The following CALCR variants were observed in gnomAD, a reference collection of about 807,000 sequenced individuals.
CALCR encodes calcitonin receptor.
In CALCR, 47 loss-of-function variants were observed where a neutral mutation model predicts 59.5. That is an observed-to-expected ratio of 0.79 (90% CI 0.63 to 1.01). The LOEUF (loss-of-function observed/expected upper bound fraction) is 1.01, where lower values mean the gene tolerates loss of function less well. CALCR is among the 50% of genes least tolerant of loss of function. The pLI is 0.00. For missense variants in CALCR, 566 were observed against 597.1 expected (o/e 0.95, Z 0.54); for synonymous variants, 213 against 211.3 (o/e 1.01, Z -0.07).
chr7:93,429,926 G>T (rs13224477), intron 13 of CALCR, among the ~76,000 whole-genome samples: 13,156 of 99,694 alleles, frequency 0.13, 1,039 homozygotes, highest in African/African-American at 0.24. Flanking sequence ...TTTTTTTTTT[G>T]TTTGTTTGTT....
chr7:93,533,720 C>A (rs765508681), intron 2 of CALCR, among the ~76,000 whole-genome samples: 35 of 151,810 alleles, frequency 2.3e-4, no homozygotes, highest in Non-Finnish European at 3.5e-4. Context: ...GGGTTCTTAG[C>A]TCATGAAAGT....
chr7:93,544,671 G>A (rs1789238284), intron 2 of CALCR, among the ~76,000 whole-genome samples: 1 of 151,892 alleles, frequency 6.6e-6, no homozygotes, highest in African/African-American at 2.4e-5. Context: ...TCATCTACAT[G>A]TTTTTCTAAT....
At chr7:93,486,680 T>A (rs1800950810) in intron 3 of CALCR, among the ~76,000 whole-genome samples, 1 of 151,554 alleles carries the variant, frequency 6.6e-6, no homozygotes, top group South Asian at 2.1e-4. Context: ...ATGTCTAAAA[T>A]TAATGCTAAA....
intron 8 of CALCR, among the ~76,000 whole-genome samples, chr7:93,444,393 A>G (rs1799971510): frequency 6.6e-6 from 1 of 152,114 alleles, no homozygotes; most frequent in African/African-American, 2.4e-5. Context: ...TGGAAGAGTC[A>G]GATTAATATT....
chr7:93,561,398 G>A (rs1004453349), intron 2 of CALCR, among the ~76,000 whole-genome samples: 16 of 151,906 alleles, frequency 1.1e-4, no homozygotes, highest in Admixed American at 1.1e-3. Flanking sequence ...AAGTTGCTTT[G>A]GGTACCACCC....
At chr7:93,529,799 C>T (rs1788783406) in intron 2 of CALCR, among the ~76,000 whole-genome samples, 1 of 152,070 alleles carries the variant, frequency 6.6e-6, no homozygotes, top group Non-Finnish European at 1.5e-5. Flanking sequence ...TCAGTGATTA[C>T]CACTCTAAAA....
chr7:93,483,048 G>C (rs995073128), intron 3 of CALCR, among the ~76,000 whole-genome samples: 2 of 151,712 alleles, frequency 1.3e-5, no homozygotes, highest in African/African-American at 4.8e-5. Context: ...TCAGGGGATT[G>C]GTTGCAGGAC....
chr7:93,560,510 G>A (rs1274732992), intron 2 of CALCR, among the ~76,000 whole-genome samples: 1 of 151,954 alleles, frequency 6.6e-6, no homozygotes. Context: ...CCTCCTTTAT[G>A]CACTGTAGGA....
At chr7:93,557,809 A>G (rs1789646888) in intron 2 of CALCR, among the ~76,000 whole-genome samples, 1 of 151,992 alleles carries the variant, frequency 6.6e-6, no homozygotes, top group Admixed American at 6.6e-5. Flanking sequence ...ATGTTATCAT[A>G]TACTAAATTC....
chr7:93,504,986 C>T (rs1801396786), intron 2 of CALCR, among the ~76,000 whole-genome samples: 4 of 152,178 alleles, frequency 2.6e-5, no homozygotes, highest in African/African-American at 9.6e-5. Flanking sequence ...AGCAGTGGGG[C>T]CCCTATGGAA....
chr7:93,522,289 A>C (rs1270520611), intron 2 of CALCR, among the ~76,000 whole-genome samples: 1 of 152,166 alleles, frequency 6.6e-6, no homozygotes, highest in African/African-American at 2.4e-5. Flanking sequence ...AAGACATTTG[A>C]AACTATTTCT....
At chr7:93,463,785 C>G (rs944575131) in intron 7 of CALCR, among the ~76,000 whole-genome samples, 1 of 151,896 alleles carries the variant, frequency 6.6e-6, no homozygotes, top group Non-Finnish European at 1.5e-5. Flanking sequence ...AAGCCGACAA[C>G]ATTTTTTTGT....
intron 6 of CALCR, among the ~76,000 whole-genome samples, chr7:93,471,567 A>C (rs1800554241): frequency 6.6e-6 from 1 of 151,878 alleles, no homozygotes; most frequent in Non-Finnish European, 1.5e-5. Flanking sequence ...CAACTGAATA[A>C]TTATTTAGTA....
At chr7:93,515,782 C>A (rs1040730897) in intron 2 of CALCR, among the ~76,000 whole-genome samples, 2 of 151,896 alleles carry the variant, frequency 1.3e-5, no homozygotes, top group Non-Finnish European at 2.9e-5. Context: ...AAAATATGGA[C>A]ATGGACAATT....
chr7:93,548,671 G>GAAA (rs36087372), intron 2 of CALCR, among the ~76,000 whole-genome samples: 7 of 140,162 alleles, frequency 5.0e-5, no homozygotes, highest in African/African-American at 1.1e-4. Context: ...AAGAAAAACA[G>GAAA]AAAAAAAAAA....
chr7:93,543,207 C>T (rs1189345467), intron 2 of CALCR, among the ~76,000 whole-genome samples: 2 of 152,128 alleles, frequency 1.3e-5, no homozygotes, highest in East Asian at 1.9e-4. Flanking sequence ...TGCAGTCGCA[C>T]GATCTCTGTT....
chr7:93,462,077 T>A (rs1454043226), intron 7 of CALCR: 5 of 1,503,590 alleles, frequency 3.3e-6, no homozygotes, highest in Non-Finnish European at 4.5e-6. Context: ...CCTTCCTATA[T>A]TTCCAATTCA....
At chr7:93,432,482 A>G (rs1246194134) in intron 13 of CALCR, among the ~76,000 whole-genome samples, 1 of 152,182 alleles carries the variant, frequency 6.6e-6, no homozygotes, top group Non-Finnish European at 1.5e-5. Context: ...ACAATTCTAT[A>G]TTATTAGAAA....
chr7:93,439,550 C>T (rs1350321456), intron 9 of CALCR, among the ~76,000 whole-genome samples: 1 of 152,032 alleles, frequency 6.6e-6, no homozygotes, highest in Non-Finnish European at 1.5e-5. Flanking sequence ...GCCCAGGGCT[C>T]TTTGCCTTCT....
Sources: gnomAD v4.1 joint callset for allele counts (sites outside exome capture counted in the v4.1 genomes callset) on GRCh38, gnomAD v4.1.1 for gene constraint, MANE v1.5 for transcripts, NCBI Gene and HGNC (gene_info 2026-07-23, HGNC 2026-07-21) for gene names.